Variants in ZBTB49 observed in about 807,000 individuals in gnomAD.
ZBTB49 encodes the protein zinc finger and BTB domain containing 49, also known as zinc finger and BTB domain-containing protein 49.
A neutral mutation model predicts 57.5 loss-of-function variants in ZBTB49; 43 were observed. The observed-to-expected ratio is 0.75, with a 90% CI of 0.59 to 0.97. The LOEUF is 0.97. ZBTB49 is among the 50% of genes least tolerant of loss of function. The pLI, the probability that ZBTB49 is intolerant of heterozygous loss-of-function variation, is 0.00. For missense variants in ZBTB49, 938 were observed against 947.7 expected, an observed-to-expected ratio of 0.99 and a Z score of 0.13; for synonymous variants, 369 against 362.1, an observed-to-expected ratio of 1.02 and a Z score of -0.22.
At chr4:4,293,514 C>G (rs190841857) in intron 1 of ZBTB49, among the ~76,000 whole-genome samples, 14 of 152,324 alleles carry the variant, frequency 9.2e-5, no homozygotes, top group African/African-American at 3.4e-4. Flanking sequence ...CTATTTTTAG[C>G]TGTGTGACCA....
At chr4:4,301,321 A>G (rs1168083046) in intron 2 of ZBTB49, among the ~76,000 whole-genome samples, 1 of 152,186 alleles carries the variant, frequency 6.6e-6, no homozygotes, top group Non-Finnish European at 1.5e-5. Context: ...TTTAGAGTGC[A>G]TTTTGGTCTT....
At chr4:4,297,406 A>G (rs1720258055) in intron 1 of ZBTB49, among the ~76,000 whole-genome samples, 1 of 152,166 alleles carries the variant, frequency 6.6e-6, no homozygotes, top group Non-Finnish European at 1.5e-5. Context: ...AGTCACAGCC[A>G]TTTTTATGAG....
At chr4:4,315,043 C>T (rs1348135487) in intron 5 of ZBTB49, among the ~76,000 whole-genome samples, 1 of 152,216 alleles carries the variant, frequency 6.6e-6, no homozygotes, top group African/African-American at 2.4e-5. Flanking sequence ...AAGAGGAGAG[C>T]TTATTCTCTG....
chr4:4,295,460 A>G lies in ZBTB49; in HGVS notation c.-19-4467A>G, dbSNP rs527502991. ...ATGTGGGGATTATAATTTGGATGAG[A>G]ACACAGAGCCAAGCCATATCAGATA... On this transcript the variant is annotated intron_variant, in intron 1 of 7. Transcript: ENST00000337872. 6.3e-4 allele frequency among the ~76,000 whole-genome samples: 96 copies of G among 152,314 alleles called. 1 individual carries two copies. The highest frequency in any genetic ancestry group is 6.8e-3 in the Middle Eastern group (2 of 294).
At chr4:4,320,572 C>G in intron 7 of ZBTB49, 68 bp from the exon 8 acceptor site, 2 of 1,579,674 alleles carry the variant, frequency 1.3e-6, no homozygotes, top group Non-Finnish European at 1.7e-6. Flanking sequence ...GCTAGGAGTT[C>G]ACGACCAGCC....
At chr4:4,296,052 C>T (rs1271518096) in intron 1 of ZBTB49, among the ~76,000 whole-genome samples, 9 of 152,024 alleles carry the variant, frequency 5.9e-5, no homozygotes, top group African/African-American at 1.2e-4. Context: ...TATGGTGCTG[C>T]ACCTTAAGGA....
At chr4:4,318,162 G>T (rs564192960) in intron 7 of ZBTB49, among the ~76,000 whole-genome samples, 45 of 152,216 alleles carry the variant, frequency 3.0e-4, no homozygotes, top group African/African-American at 9.1e-4. Context: ...AGCTCCTCTC[G>T]ACTCGAAAGA....
chr4:4,299,810 T>TGAGA lies in ZBTB49; in HGVS notation c.-19-112_-19-109dup, dbSNP rs1553803869. ...GTGTGTGTGTGTGTGTGTGTGTGTG[T>TGAGA]GAGAGAGAAACTGTGATGAGAGAGT... On this transcript the variant is annotated intron_variant, in intron 1 of 7. Coordinates refer to ENST00000337872, the MANE Select transcript of ZBTB49 (RefSeq NM_145291.4). The TGAGA allele has an allele frequency of 8.2e-4, 501 of 607,792 alleles. 7 individuals carry two copies. Among genetic ancestry groups the TGAGA allele is most frequent in the Middle Eastern group, 2.8e-3 (6 of 2,158 alleles). 37.6% of individuals were successfully genotyped at this position (607,792 alleles called of 1,614,324 possible). A position where few individuals can be genotyped will look rare whatever the true frequency, so the allele number is the denominator to read the frequency against.
chr4:4,312,866 C>T (rs1577245311), intron 4 of ZBTB49, among the ~76,000 whole-genome samples, 175 bp from the exon 5 acceptor site: 1 of 152,214 alleles, frequency 6.6e-6, no homozygotes, highest in Non-Finnish European at 1.5e-5. Flanking sequence ...GCCAGGCACT[C>T]TGGCTGCTCT....
intron 7 of ZBTB49, among the ~76,000 whole-genome samples, chr4:4,317,201 C>T (rs1721226949): frequency 6.6e-6 from 1 of 152,200 alleles, no homozygotes; most frequent in African/African-American, 2.4e-5. Context: ...CTCTGCCCCA[C>T]TTTGGGTTCT....
chr4:4,305,202 T>G (rs1023814171), intron 3 of ZBTB49, among the ~76,000 whole-genome samples: 4 of 151,850 alleles, frequency 2.6e-5, no homozygotes, highest in African/African-American at 4.8e-5. Flanking sequence ...AGGAAGCCAT[T>G]AGACATTTTC....
Position 4,321,175 on chromosome 4 carries a change from G to C in ZBTB49, c.2157G>C (p.Leu719Phe). 8 of 1,614,170 alleles carry C rather than the reference G, an allele frequency of 5.0e-6. No individual in the cohort carries two copies. Among genetic ancestry groups the C allele is most frequent in the Non-Finnish European group, 6.8e-6 (8 of 1,180,024 alleles). ...MAMIRSSLAALDNHGGDPLGS... is the reference protein window; with the variant it reads ...MAMIRSSLAAFDNHGGDPLGS... Reference sequence around the variant, plus strand: ...TGATCCGTTCCTCTCTGGCTGCTTTGGACAACCACGGCGGTGACCCCCTGG... The same window carrying C: ...TGATCCGTTCCTCTCTGGCTGCTTTCGACAACCACGGCGGTGACCCCCTGG... The change falls in exon 8 of 8, where the codon TTG (leucine) becomes TTC (phenylalanine). Residue 719 changes from leucine to phenylalanine, a missense_variant. By Grantham distance (22) the Leu-to-Phe change is conservative (BLOSUM62 0). Around this residue, in one of 3 missense-constraint regions of ZBTB49, gnomAD observed 835 missense variants for 819.1 expected, o/e 1.02. Coordinates refer to ENST00000337872, the MANE Select transcript of ZBTB49 (RefSeq NM_145291.4).
At chr4:4,296,784 C>T (rs1670400148) in intron 1 of ZBTB49, among the ~76,000 whole-genome samples, 1 of 152,138 alleles carries the variant, frequency 6.6e-6, no homozygotes, top group African/African-American at 2.4e-5. Context: ...TGTCGTTACC[C>T]TGTTTTGCTT....
chr4:4,302,434 G>A lies in ZBTB49; in HGVS notation c.598G>A (p.Gly200Ser). The A allele has an allele frequency of 6.2e-7, 1 of 1,614,170 alleles. No individual in the cohort carries two copies. The part of the protein sequence containing the change: ...ISKQAPDTSD[G>S]SCTELPFKQP... ...AAAACAAGCTCCTGATACTTCAGATGGCAGCTGCACAGAACTGCCTTTCAA... is the reference window on the plus strand; with the variant it reads ...AAAACAAGCTCCTGATACTTCAGATAGCAGCTGCACAGAACTGCCTTTCAA... The change falls in exon 3 of 8, where the codon GGC becomes AGC. Residue 200 changes from glycine to serine, a missense_variant. By Grantham distance (56) the Gly-to-Ser change is moderately conservative (BLOSUM62 0). Transcript: ENST00000337872.
At chr4:4,309,229 A>G (rs1720871761) in intron 4 of ZBTB49, among the ~76,000 whole-genome samples, 2 of 152,222 alleles carry the variant, frequency 1.3e-5, no homozygotes, top group African/African-American at 4.8e-5. Flanking sequence ...ATGCCAGCAT[A>G]AGGAAGTTAG....
chr4:4,316,945 G>A (rs774464275), intron 7 of ZBTB49, among the ~76,000 whole-genome samples: 7 of 152,218 alleles, frequency 4.6e-5, no homozygotes, highest in Non-Finnish European at 7.3e-5. Flanking sequence ...GGTTGAAGCT[G>A]GAGGATCTCT....
chr4:4,306,216 G>A (rs1720729032), intron 4 of ZBTB49, 32 bp downstream of exon 4: 1 of 1,576,828 alleles, frequency 6.3e-7, no homozygotes. Context: ...GTTAATAATT[G>A]GAAACCTGCA....
In ZBTB49 at chr4:4,321,271, G is replaced by T. The variant is rs1721405184; in HGVS notation, c.2253G>T (p.Gly751=). 1 of 1,613,804 alleles carries T rather than the reference G, an allele frequency of 6.2e-7. No homozygotes were observed. Among genetic ancestry groups the T allele is most frequent in the Non-Finnish European group, 8.5e-7 (1 of 1,180,040 alleles). Reference sequence around the variant, plus strand: ...TTTTCTCCAGCATGACTCTCTGGGGGCTAGCGATGAAGACGCTGCAGAATG... The same window carrying T: ...TTTTCTCCAGCATGACTCTCTGGGGTCTAGCGATGAAGACGCTGCAGAATG... ...GQFFSSMTLW[G]LAMKTLQNEN... Residue 751 remains glycine (G), a synonymous_variant, in exon 8 of 8, where the codon GGG becomes GGT. Coordinates refer to ENST00000337872, the MANE Select transcript of ZBTB49 (RefSeq NM_145291.4).
intron 6 of ZBTB49, 30 bp from the exon 7 acceptor site, chr4:4,315,779 T>C (rs1205218046): frequency 6.2e-7 from 1 of 1,613,868 alleles, no homozygotes; most frequent in South Asian, 1.1e-5. Context: ...TCTCTGTCCT[T>C]CAGCTTAACA....
Sources: allele counts gnomAD v4.1 joint callset (sites outside exome capture counted in the v4.1 genomes callset), GRCh38; gene constraint gnomAD v4.1.1; regional missense constraint gnomAD v4.1.1; transcripts MANE v1.5; gene names NCBI Gene and HGNC (gene_info 2026-07-23, HGNC 2026-07-21).